Variants in DDX60L observed in about 807,000 individuals in gnomAD.
DDX60L encodes the protein probable ATP-dependent RNA helicase DDX60-like.
A neutral mutation model predicts 211.6 loss-of-function variants in DDX60L; 191 were observed. The ratio of observed to expected loss-of-function variants is 0.90; its 90% CI spans 0.80 to 1.02. The LOEUF is 1.02. Ranked by LOEUF, DDX60L falls within the 50% of genes least tolerant of loss-of-function variation. The pLI is 0.00. For synonymous variants in DDX60L, 706 were observed against 694.1 expected (o/e 1.02, Z -0.27); for missense variants, 2,007 against 1,984.1 (o/e 1.01, Z -0.22).
At chr4:168,371,940 T>G (rs1416587993) in intron 35 of DDX60L, among the ~76,000 whole-genome samples, 177 bp from the exon 36 acceptor site, 2 of 151,636 alleles carry the variant, frequency 1.3e-5, no homozygotes, top group Admixed American at 6.6e-5. Flanking sequence ...CCCATTACAG[T>G]GAGGGAAAGG....
rs1011925279 is a variant in DDX60L at position 168,358,133 on chromosome 4, A to G, written c.*14T>C. The stretch of plus-strand genomic sequence containing the variant: ...TAAATACCACATAATCAGACTTGAA[A>G]GTTTTCCATGGTGTTATTCTAAATG... On this transcript the variant is annotated 3_prime_UTR_variant, in exon 38 of 38. Transcript: ENST00000682922. 9.4e-6 allele frequency: 15 copies of G among 1,603,764 alleles called. No homozygotes were observed. The highest frequency in any genetic ancestry group is 1.7e-4 in the Middle Eastern group (1 of 6,058).
At chr4:168,406,116 T>C (rs956257977) in intron 23 of DDX60L, 38 bp from the exon 24 acceptor site, 38 of 1,570,850 alleles carry the variant, frequency 2.4e-5, no homozygotes, top group Non-Finnish European at 3.2e-5. Context: ...AGCTAAGCTA[T>C]GCAATCTATA....
chr4:168,414,769 C>CA (rs1242364445), intron 22 of DDX60L, among the ~76,000 whole-genome samples: 9 of 152,100 alleles, frequency 5.9e-5, no homozygotes, highest in African/African-American at 1.7e-4. Context: ...GAAAGAAAAA[C>CA]TTCACGTGTT....
rs1747686274 is a variant in DDX60L, at chr4:168,405,992, C to T, written c.3171G>A (p.Lys1057=). Residue 1057 remains lysine (K), a synonymous_variant, in exon 24 of 38, where the codon AAG becomes AAA. Coordinates refer to ENST00000682922, the MANE Select transcript of DDX60L (RefSeq NM_001012967.3). ...LDARKYEENL[K]AELTNWIKNG... ...TTTTAATCCAATTTGTCAATTCTGC[C>T]TTTAAGTTTTCTTCATATTTTCTAG... 3 of 1,597,100 alleles carry T rather than the reference C, an allele frequency of 1.9e-6. No homozygotes were observed. The South Asian group carries it at 3.4e-5, about 18-fold the overall frequency.
At chr4:168,375,316 T>G (rs1741758893) in intron 34 of DDX60L, 61 bp downstream of exon 34, 5 of 1,544,914 alleles carry the variant, frequency 3.2e-6, no homozygotes, top group Non-Finnish European at 4.4e-6. Flanking sequence ...ATCCAGAGGC[T>G]TTCTTAACCA....
chr4:168,477,052 C>G (rs1402403388), intron 1 of DDX60L, among the ~76,000 whole-genome samples: 3 of 152,282 alleles, frequency 2.0e-5, no homozygotes, highest in South Asian at 2.1e-4. Flanking sequence ...TTGTGTAATG[C>G]CACTGAAATT....
At chr4:168,448,539 T>C (rs1290712662) in intron 9 of DDX60L, 99 bp downstream of exon 9, 5 of 909,714 alleles carry the variant, frequency 5.5e-6, no homozygotes, top group Non-Finnish European at 8.2e-6. Flanking sequence ...ACAAAGGTTT[T>C]CAAGAAACAA....
intron 1 of DDX60L, among the ~76,000 whole-genome samples, chr4:168,477,735 T>C (rs918662144): frequency 6.6e-6 from 1 of 152,198 alleles, no homozygotes; most frequent in Non-Finnish European, 1.5e-5. Context: ...GCAAAATATC[T>C]GGTAAAAATC....
At chr4:168,362,443 G>T (rs1266850931) in intron 36 of DDX60L, among the ~76,000 whole-genome samples, 1 of 152,182 alleles carries the variant, frequency 6.6e-6, no homozygotes, top group East Asian at 1.9e-4. Context: ...CAGCTGGCTG[G>T]CTCACTGCAC....
At chr4:168,464,721 C>A (rs1216365958) in intron 4 of DDX60L, among the ~76,000 whole-genome samples, 1 of 152,070 alleles carries the variant, frequency 6.6e-6, no homozygotes, top group Non-Finnish European at 1.5e-5. Context: ...CATGCCAAAT[C>A]TGCTCTTCTA....
intron 36 of DDX60L, among the ~76,000 whole-genome samples, chr4:168,365,228 G>C (rs1269670754): frequency 6.6e-6 from 1 of 152,028 alleles, no homozygotes; most frequent in Non-Finnish European, 1.5e-5. Flanking sequence ...TGAAAGGTCA[G>C]TGAAATGAAG....
Position 168,427,133 on chromosome 4 carries a change from C to T in DDX60L, c.1867G>A (p.Gly623Arg). Residue 623 changes from glycine to arginine, a missense_variant, in exon 14 of 38, where the codon GGA (glycine) becomes AGA (arginine). Physicochemically the swap from Gly to Arg is moderately radical, Grantham distance 125. Coordinates refer to ENST00000682922, the MANE Select transcript of DDX60L (RefSeq NM_001012967.3). Reference sequence around the variant, plus strand: ...GCAATTAATCCTAACATTTCAACTCCAAATTTCACTGAATTACTTGCACAT... The same window carrying T: ...GCAATTAATCCTAACATTTCAACTCTAAATTTCACTGAATTACTTGCACAT... The part of the protein sequence containing the change: ...TSCASNSVKF[G>R]VEMLGLIACF... The T allele has an allele frequency of 1.2e-6, 2 of 1,608,804 alleles. No homozygotes were observed. Among genetic ancestry groups the T allele is most frequent in the Non-Finnish European group, 1.7e-6 (2 of 1,176,886 alleles).
chr4:168,391,343 T>C (rs139393160), intron 29 of DDX60L, among the ~76,000 whole-genome samples, 197 bp downstream of exon 29: 171 of 152,112 alleles, frequency 1.1e-3, no homozygotes, highest in African/African-American at 3.7e-3. Context: ...ACCCTAACTA[T>C]GAAAAAGTAG....
intron 24 of DDX60L, among the ~76,000 whole-genome samples, chr4:168,404,490 GGAAAA>G (rs1159639795): frequency 6.6e-6 from 1 of 151,710 alleles, no homozygotes. Flanking sequence ...AACCTATAAT[GGAAAA>G]GAAATTTAAT....
chr4:168,359,738 T>A (rs776957871), intron 37 of DDX60L, among the ~76,000 whole-genome samples: 9 of 152,192 alleles, frequency 5.9e-5, no homozygotes, highest in Admixed American at 1.3e-4. Flanking sequence ...CCAAACTTCA[T>A]TGCCTAACAA....
At chr4:168,405,453 G>A (rs924902286) in intron 24 of DDX60L, among the ~76,000 whole-genome samples, 1 of 152,192 alleles carries the variant, frequency 6.6e-6, no homozygotes, top group African/African-American at 2.4e-5. Flanking sequence ...CTACGAGTCT[G>A]TCATCTATAA....
intron 33 of DDX60L, among the ~76,000 whole-genome samples, chr4:168,376,151 T>C (rs969292937): frequency 1.3e-5 from 2 of 152,212 alleles, no homozygotes; most frequent in Non-Finnish European, 1.5e-5. Flanking sequence ...TTAGTGTGAG[T>C]TAGAAATAGC....
chr4:168,418,221 C>T (rs943191330), intron 19 of DDX60L, among the ~76,000 whole-genome samples: 2 of 152,162 alleles, frequency 1.3e-5, no homozygotes, highest in Non-Finnish European at 2.9e-5. Context: ...GAGCATGCCA[C>T]CATGCCTGGA....
chr4:168,472,794 G>T lies in DDX60L; in HGVS notation c.-95C>A. 1.5e-6 allele frequency: 2 copies of T among 1,345,560 alleles called. No homozygotes were observed. Among genetic ancestry groups the T allele is most frequent in the South Asian group, 2.5e-5 (2 of 80,548 alleles). 83.4% of individuals were successfully genotyped at this position (1,345,560 alleles called of 1,614,324 possible). A position where few individuals can be genotyped will look rare whatever the true frequency, so the allele number is the denominator to read the frequency against. ...TGACACCTCTAAAATGGCTACATTT[G>T]ATGTGAATGGCACCTCTGTAATAAA... On this transcript the variant is annotated 5_prime_UTR_variant, in exon 2 of 38. Coordinates refer to ENST00000682922, the MANE Select transcript of DDX60L (RefSeq NM_001012967.3).
Sources: gnomAD v4.1 joint callset for allele counts (sites outside exome capture counted in the v4.1 genomes callset) on GRCh38, gnomAD v4.1.1 for gene constraint, MANE v1.5 for transcripts, NCBI Gene and HGNC (gene_info 2026-07-23, HGNC 2026-07-21) for gene names.